The following CSMD1 variants were observed in gnomAD, a reference collection of about 807,000 sequenced individuals.
The protein encoded by CSMD1 is CUB and Sushi multiple domains 1.
In CSMD1, 213 loss-of-function variants were observed where a neutral mutation model predicts 417.5. The ratio of observed to expected loss-of-function variants is 0.51; its 90% CI spans 0.46 to 0.57. CSMD1 has a LOEUF of 0.57. CSMD1 is among the 20% of genes least tolerant of loss of function. The pLI, the probability that CSMD1 is intolerant of heterozygous loss-of-function variation, is 0.00. For synonymous variants in CSMD1, 2,862 were observed against 1,736.8 expected (o/e 1.65, Z -16.11); for missense variants, 6,923 against 4,529.7 (o/e 1.53, Z -15.17).
chr8:3,341,458 C>T (rs7013989), intron 23 of CSMD1, among the ~76,000 whole-genome samples: 5,367 of 152,142 alleles, frequency 0.035, 313 homozygotes, highest in African/African-American at 0.12. Flanking sequence ...TGGAAATAGT[C>T]GGAGGAACAT....
At chr8:4,131,434 C>T (rs1167750000) in intron 3 of CSMD1, among the ~76,000 whole-genome samples, 2 of 152,158 alleles carry the variant, frequency 1.3e-5, no homozygotes, top group East Asian at 1.9e-4. Context: ...TCAACTACCC[C>T]TGAGGTCAAA....
At chr8:3,829,385 G>T (rs1469960765) in intron 5 of CSMD1, among the ~76,000 whole-genome samples, 1 of 152,154 alleles carries the variant, frequency 6.6e-6, no homozygotes. Flanking sequence ...CTTCAGAGAA[G>T]TTTCAGGTTT....
intron 2 of CSMD1, among the ~76,000 whole-genome samples, chr8:4,465,326 C>T (rs1429143127): frequency 1.3e-5 from 2 of 152,078 alleles, no homozygotes. Flanking sequence ...ATGACGGTCC[C>T]TGTGCTTGCA....
chr8:4,404,078 G>A (rs765754052), intron 3 of CSMD1, among the ~76,000 whole-genome samples: 3 of 152,102 alleles, frequency 2.0e-5, no homozygotes, highest in African/African-American at 7.2e-5. Flanking sequence ...AGCTTTTTAC[G>A]TGCTTTTACT....
rs183619266 is a variant in CSMD1, at chr8:4,552,372, G to A, written c.302+84970C>T. Reference sequence around the variant, plus strand: ...TTTGGCTTCTGTGAACTTTAAGGAAGAGCCTACTCAAATCCCGAATCCTGT... The same window carrying A: ...TTTGGCTTCTGTGAACTTTAAGGAAAAGCCTACTCAAATCCCGAATCCTGT... On this transcript the variant is annotated intron_variant, in intron 2 of 69. Transcript: ENST00000635120. Among the ~76,000 whole-genome samples the A allele has an allele frequency of 1.4e-3, 213 of 151,914 alleles. 1 individual carries two copies. The highest frequency in any genetic ancestry group is 1.6e-3 in the Non-Finnish European group (112 of 67,986).
At chr8:4,463,968 T>C (rs766617382) in intron 2 of CSMD1, among the ~76,000 whole-genome samples, 30 of 152,126 alleles carry the variant, frequency 2.0e-4, no homozygotes, top group East Asian at 3.9e-4. Context: ...ATATGGGATA[T>C]TGAAATTCCA....
chr8:3,479,779 C>T (rs564302534), intron 11 of CSMD1, among the ~76,000 whole-genome samples: 1 of 151,594 alleles, frequency 6.6e-6, no homozygotes, highest in Non-Finnish European at 1.5e-5. Context: ...CCAACCCCAA[C>T]AGAAATGAAT....
At chr8:3,570,120 C>G (rs1232940928) in intron 10 of CSMD1, among the ~76,000 whole-genome samples, 1 of 152,084 alleles carries the variant, frequency 6.6e-6, no homozygotes, top group Non-Finnish European at 1.5e-5. Context: ...ATGTTTTGGA[C>G]AAGTTTAAAA....
rs541686076 is a variant in CSMD1, at chr8:3,207,340, A to T, written c.4868-1720T>A. On this transcript the variant is annotated intron_variant, in intron 30 of 69. Coordinates refer to ENST00000635120, the MANE Select transcript of CSMD1 (RefSeq NM_033225.6). ...TTTTTTTTTTTTTCATCTTTAATAG[A>T]TATGATGTTGGTCAGGCTGGTCTCG... 1.5e-3 allele frequency among the ~76,000 whole-genome samples: 224 copies of T among 149,150 alleles called. 1 individual carries two copies. Among genetic ancestry groups the T allele is most frequent in the African/African-American group, 5.3e-3 (214 of 40,428 alleles).
chr8:4,848,040 G>T (rs6994240), intron 1 of CSMD1, among the ~76,000 whole-genome samples: 3 of 152,116 alleles, frequency 2.0e-5, no homozygotes, highest in African/African-American at 4.8e-5. Flanking sequence ...AGATTTCCCT[G>T]TTGGGGACAT....
chr8:4,402,263 A>C (rs945828449), intron 3 of CSMD1, among the ~76,000 whole-genome samples: 1 of 151,914 alleles, frequency 6.6e-6, no homozygotes, highest in African/African-American at 2.4e-5. Context: ...ATAAACTGCA[A>C]ATCCAATTAT....
chr8:3,740,894 CA>C (rs1796766819), intron 6 of CSMD1, among the ~76,000 whole-genome samples: 1 of 151,892 alleles, frequency 6.6e-6, no homozygotes, highest in African/African-American at 2.4e-5. Flanking sequence ...CTTCTGTGCC[CA>C]GGGGTGGGAG....
chr8:3,120,705 G>GGA (rs1554431367), intron 41 of CSMD1, among the ~76,000 whole-genome samples: 1 of 114,348 alleles, frequency 8.7e-6, no homozygotes, highest in African/African-American at 5.0e-5. Context: ...AAATTAGCCA[G>GGA]GGGGGGTGAC....
At chr8:4,683,740 T>C (rs2116726109) in intron 1 of CSMD1, among the ~76,000 whole-genome samples, 1 of 152,314 alleles carries the variant, frequency 6.6e-6, no homozygotes, top group Admixed American at 6.5e-5. Context: ...ATTTCCCATT[T>C]TTGCACAATT....
intron 1 of CSMD1, among the ~76,000 whole-genome samples, chr8:4,701,199 G>C: frequency 6.6e-6 from 1 of 152,068 alleles, no homozygotes; most frequent in South Asian, 2.1e-4. Context: ...TGTGCCCCTA[G>C]TTCCCGACTG....
At chr8:4,738,959 T>A (rs1810425312) in intron 1 of CSMD1, among the ~76,000 whole-genome samples, 1 of 150,830 alleles carries the variant, frequency 6.6e-6, no homozygotes, top group East Asian at 1.9e-4. Context: ...TTTGAAGGGC[T>A]TGAATAATAT....
At chr8:4,108,645 G>T (rs1465603983) in intron 3 of CSMD1, among the ~76,000 whole-genome samples, 1 of 152,144 alleles carries the variant, frequency 6.6e-6, no homozygotes, top group Non-Finnish European at 1.5e-5. Context: ...CTTTTGAAAT[G>T]CCACCTGACA....
intron 26 of CSMD1, 149 bp downstream of exon 26, chr8:3,283,995 C>G (rs1802944485): frequency 6.8e-6 from 5 of 735,906 alleles, no homozygotes; most frequent in Non-Finnish European, 1.1e-5. Flanking sequence ...GAGAACTCTT[C>G]TCTGCAACAT....
intron 5 of CSMD1, among the ~76,000 whole-genome samples, chr8:3,919,353 G>A (rs554702472): frequency 5.3e-5 from 8 of 151,980 alleles, no homozygotes; most frequent in Non-Finnish European, 1.2e-4. Flanking sequence ...TCCTCTGCAC[G>A]ACATACTCAG....
Sources: gnomAD v4.1 joint callset for allele counts (sites outside exome capture counted in the v4.1 genomes callset) on GRCh38, gnomAD v4.1.1 for gene constraint, MANE v1.5 for transcripts, NCBI Gene and HGNC (gene_info 2026-07-23, HGNC 2026-07-21) for gene names.